Variants in SNTB2 observed in about 807,000 individuals in gnomAD.
SNTB2 encodes beta-2-syntrophin.
In SNTB2, 34 loss-of-function variants were observed where a neutral mutation model predicts 46.2. The observed-to-expected ratio is 0.74, with a 90% CI of 0.56 to 0.98. The LOEUF (loss-of-function observed/expected upper bound fraction) is 0.98. SNTB2 is among the 50% of genes least tolerant of loss of function. SNTB2 has a pLI of 0.00. For missense variants in SNTB2, 603 were observed against 731.4 expected (o/e 0.82, Z 2.02); for synonymous variants, 290 against 312.6 (o/e 0.93, Z 0.76).
intron 2 of SNTB2, among the ~76,000 whole-genome samples, chr16:69,249,507 T>C (rs181965531): frequency 6.6e-6 from 1 of 152,238 alleles, no homozygotes; most frequent in Non-Finnish European, 1.5e-5. Flanking sequence ...CGTCATTCAC[T>C]AAGGATTGAA....
intron 2 of SNTB2, among the ~76,000 whole-genome samples, chr16:69,246,048 G>A (rs902671572): frequency 6.6e-6 from 1 of 152,106 alleles, no homozygotes; most frequent in Non-Finnish European, 1.5e-5. Flanking sequence ...CCTCTAGGGT[G>A]TCAAATAAGA....
intron 2 of SNTB2, among the ~76,000 whole-genome samples, chr16:69,249,279 G>A (rs1038138454): frequency 6.6e-6 from 1 of 152,048 alleles, no homozygotes; most frequent in Admixed American, 6.6e-5. Flanking sequence ...ACTCGCTTTG[G>A]TCTCCCAAAG....
Position 69,187,482 on chromosome 16 carries a change from G to A in SNTB2, c.316G>A (p.Glu106Lys), listed in dbSNP as rs1394080631. 1.6e-6 allele frequency: 2 copies of A among 1,228,708 alleles called. No homozygotes were observed. Among genetic ancestry groups the A allele is most frequent in the African/African-American group, 1.6e-5 (1 of 63,722 alleles). 76.1% of individuals were successfully genotyped at this position (1,228,708 alleles called of 1,614,324 possible). A position where few individuals can be genotyped will look rare whatever the true frequency, so the allele number is the denominator to read the frequency against. The change falls in exon 1 of 7, where the codon GAG (glutamate) becomes AAG (lysine). Residue 106 changes from glutamate to lysine, a missense_variant. Physicochemically the swap from Glu to Lys is moderately conservative, Grantham distance 56 (BLOSUM62 1). Coordinates refer to ENST00000336278, the MANE Select transcript of SNTB2 (RefSeq NM_006750.4). ...PPAPPRGPAG[E>K]AGASPPVRRV... is the part of the protein sequence containing the mutation. The stretch of plus-strand genomic sequence containing the variant: ...GGCGCCGCCTCGGGGCCCCGCGGGT[G>A]AGGCGGGCGCGTCGCCGCCCGTGCG...
chr16:69,237,031 T>G (rs1964565931), intron 1 of SNTB2, among the ~76,000 whole-genome samples: 1 of 152,162 alleles, frequency 6.6e-6, no homozygotes, highest in African/African-American at 2.4e-5. Flanking sequence ...GAGCAGGGGA[T>G]AAAGGATAAT....
At chr16:69,240,037 A>G (rs985921911) in intron 1 of SNTB2, among the ~76,000 whole-genome samples, 4 of 152,134 alleles carry the variant, frequency 2.6e-5, no homozygotes, top group Non-Finnish European at 5.9e-5. Context: ...CATTGAAGGA[A>G]ATTTGGGTTG....
rs1166504452 is a variant in SNTB2, at chr16:69,306,707, GGGTGGATCACCTGA to G, written c.*5787_*5800del. On this transcript the variant is annotated 3_prime_UTR_variant, in exon 7 of 7. Coordinates refer to ENST00000336278, the MANE Select transcript of SNTB2 (RefSeq NM_006750.4). ...TCCCAGTACTTTGGGAGCCCAAGGT[GGGTGGATCACCTGA>G]GGTAAGGAGTTTGAGACCAGCCTGG... is the stretch of plus-strand genomic sequence containing the variant. 2 of 152,226 alleles carry G rather than the reference GGGTGGATCACCTGA, an allele frequency of 1.3e-5. No individual in the cohort carries two copies. The highest frequency in any genetic ancestry group is 1.3e-4 in the Admixed American group (2 of 15,276). 9.4% of individuals were successfully genotyped at this position (152,226 alleles called of 1,614,324 possible).
At chr16:69,259,159 A>G (rs1964808553) in intron 2 of SNTB2, among the ~76,000 whole-genome samples, 1 of 151,672 alleles carries the variant, frequency 6.6e-6, no homozygotes, top group South Asian at 2.1e-4. Context: ...TAACACCGAA[A>G]CGACAGATCC....
At chr16:69,255,431 G>C (rs1964763787) in intron 2 of SNTB2, among the ~76,000 whole-genome samples, 1 of 152,060 alleles carries the variant, frequency 6.6e-6, no homozygotes. Flanking sequence ...CATGGTGGTG[G>C]TGCCTGTAGT....
At chr16:69,207,154 C>CTTT (rs1555497921) in intron 1 of SNTB2, among the ~76,000 whole-genome samples, 3 of 126,448 alleles carry the variant, frequency 2.4e-5, no homozygotes, top group Non-Finnish European at 5.0e-5. Context: ...TTCTTTCTTT[C>CTTT]TTTTTTTTTT....
chr16:69,241,701 G>A lies in SNTB2; in HGVS notation c.581-3901G>A, dbSNP rs547399433. 4.6e-5 allele frequency among the ~76,000 whole-genome samples: 7 copies of A among 151,606 alleles called. No homozygotes were observed. The East Asian group carries it at 5.9e-4, about 13-fold the overall frequency. The stretch of plus-strand genomic sequence containing the variant: ...TCCCAGCCCTTTGGGAGGCCAAGGC[G>A]GGTGGATTGTTTGAGCTCACCAATT... On this transcript the variant is annotated intron_variant, in intron 1 of 6. Transcript: ENST00000336278.
chr16:69,280,031 T>C (rs1812582845), intron 4 of SNTB2, among the ~76,000 whole-genome samples: 1 of 152,154 alleles, frequency 6.6e-6, no homozygotes, highest in African/African-American at 2.4e-5. Flanking sequence ...TTTGTGTCCC[T>C]GGGTACTTGA....
chr16:69,244,844 G>A (rs1964653987), intron 1 of SNTB2, among the ~76,000 whole-genome samples: 1 of 152,166 alleles, frequency 6.6e-6, no homozygotes. Context: ...ATTCCTTGAG[G>A]GATAGAATCC....
chr16:69,286,404 C>G (rs1051453284), intron 5 of SNTB2, among the ~76,000 whole-genome samples: 1 of 152,092 alleles, frequency 6.6e-6, no homozygotes. Flanking sequence ...AAAAATGAAG[C>G]TGGGTACACT....
At chr16:69,255,453 G>T (rs1008774010) in intron 2 of SNTB2, among the ~76,000 whole-genome samples, 1 of 151,834 alleles carries the variant, frequency 6.6e-6, no homozygotes, top group Admixed American at 6.6e-5. Flanking sequence ...ACAACTACTC[G>T]AGAGGCTGAG....
intron 6 of SNTB2, among the ~76,000 whole-genome samples, chr16:69,300,081 A>G (rs1458590890): frequency 6.6e-6 from 1 of 150,922 alleles, no homozygotes; most frequent in Non-Finnish European, 1.5e-5. Flanking sequence ...TATTCTTTAT[A>G]GAGATGAGGT....
At chr16:69,263,475 A>G (rs545809161) in intron 3 of SNTB2, among the ~76,000 whole-genome samples, 44 of 150,344 alleles carry the variant, frequency 2.9e-4, no homozygotes, top group Middle Eastern at 3.5e-3. Context: ...CTGGGGTGCA[A>G]TGATACAATC....
At chr16:69,206,482 G>A (rs562235220) in intron 1 of SNTB2, among the ~76,000 whole-genome samples, 3 of 151,800 alleles carry the variant, frequency 2.0e-5, no homozygotes, top group East Asian at 2.0e-4. Flanking sequence ...TGGGTGGATC[G>A]GGAGTTCGAG....
At chr16:69,213,166 G>T (rs1481935661) in intron 1 of SNTB2, among the ~76,000 whole-genome samples, 1 of 152,024 alleles carries the variant, frequency 6.6e-6, no homozygotes, top group African/African-American at 2.4e-5. Flanking sequence ...TAAGGTTATT[G>T]TGAGATTAAA....
At chr16:69,199,595 C>CAAAAAAAAAAAA (rs60011703) in intron 1 of SNTB2, among the ~76,000 whole-genome samples, 39 of 76,806 alleles carry the variant, frequency 5.1e-4, no homozygotes, top group African/African-American at 1.8e-3. Flanking sequence ...AACACTGCCT[C>CAAAAAAAAAAAA]AAAAAAAAAA....
Sources: allele counts gnomAD v4.1 joint callset (sites outside exome capture counted in the v4.1 genomes callset), GRCh38; gene constraint gnomAD v4.1.1; transcripts MANE v1.5; gene names NCBI Gene and HGNC (gene_info 2026-07-23, HGNC 2026-07-21).